CFAP70: variants seen among roughly 807,000 people sequenced by gnomAD.
CFAP70 encodes cilia and flagella associated protein 70.
A neutral mutation model predicts 137.6 loss-of-function variants in CFAP70; 81 were observed. The ratio of observed to expected loss-of-function variants is 0.59; its 90% confidence interval spans 0.49 to 0.71. The LOEUF (loss-of-function observed/expected upper bound fraction) is 0.71. CFAP70 is among the 30% of genes least tolerant of loss of function. CFAP70 has a pLI of 0.00. For missense variants in CFAP70, 976 were observed against 1,226.7 expected, an observed-to-expected ratio of 0.80 and a Z score of 3.05; for synonymous variants, 382 against 423.6, an observed-to-expected ratio of 0.90 and a Z score of 1.20.
chr10:73,333,053 G>GT (rs2052288516), intron 7 of CFAP70, among the ~76,000 whole-genome samples: 1 of 152,164 alleles, frequency 6.6e-6, no homozygotes, highest in Non-Finnish European at 1.5e-5. Flanking sequence ...GATGGGTAAT[G>GT]TAAGCAGAGA....
intron 11 of CFAP70, among the ~76,000 whole-genome samples, chr10:73,311,153 C>A (rs1435389383): frequency 2.0e-5 from 3 of 152,170 alleles, no homozygotes; most frequent in Non-Finnish European, 4.4e-5. Context: ...TTACCTGATT[C>A]AGCCTCTTTC....
chr10:73,318,843 G>A (rs948707527), intron 9 of CFAP70, among the ~76,000 whole-genome samples: 1 of 152,168 alleles, frequency 6.6e-6, no homozygotes, highest in Non-Finnish European at 1.5e-5. Flanking sequence ...AGAAGTAGAA[G>A]TCCTATTGGA....
At chr10:73,287,039 C>T (rs1418996784) in intron 19 of CFAP70, among the ~76,000 whole-genome samples, 1 of 152,212 alleles carries the variant, frequency 6.6e-6, no homozygotes, top group Non-Finnish European at 1.5e-5. Context: ...CAACCTTCAG[C>T]ATGGGCGTTG....
intron 19 of CFAP70, 46 bp from the exon 21 acceptor site, chr10:73,278,383 G>A (rs760524704): frequency 1.3e-6 from 2 of 1,499,932 alleles, no homozygotes; most frequent in South Asian, 2.5e-5. Flanking sequence ...CTTACATTGG[G>A]TGTTTAAAGG....
chr10:73,317,828 T>A (rs2050521586), intron 9 of CFAP70, among the ~76,000 whole-genome samples: 1 of 152,192 alleles, frequency 6.6e-6, no homozygotes, highest in South Asian at 2.1e-4. Context: ...AGAAATGTGA[T>A]CCCGTGTTGT....
intron 1 of CFAP70, among the ~76,000 whole-genome samples, chr10:73,356,858 G>C (rs994827345): frequency 6.6e-6 from 1 of 152,176 alleles, no homozygotes; most frequent in Non-Finnish European, 1.5e-5. Flanking sequence ...TCTGACTCCA[G>C]TTTCTCACTC....
rs1440653278 is a variant in CFAP70 at position 73,311,931 on chromosome 10, A to G, written c.1084-17T>C. ...AGGTGCCTGCTGAAAGAAAATGAACACACCTCAAAAATTGAATTCCTACAC... is the reference window on the plus strand; with the variant it reads ...AGGTGCCTGCTGAAAGAAAATGAACGCACCTCAAAAATTGAATTCCTACAC... On this transcript the variant is annotated splice_polypyrimidine_tract_variant and intron_variant, in intron 10 of 26. Coordinates refer to ENST00000310715, the Ensembl canonical transcript of CFAP70. 6.3e-7 allele frequency: 1 copy of G among 1,597,690 alleles called. No homozygotes were observed. The highest frequency in any genetic ancestry group is 1.3e-5 in the African/African-American group (1 of 74,526).
intron 5 of CFAP70, among the ~76,000 whole-genome samples, chr10:73,342,986 G>A (rs185649774): frequency 0.027 from 4,180 of 152,068 alleles, 75 homozygotes; most frequent in Middle Eastern, 0.085. Context: ...CGAGGTGGGC[G>A]GATCACAAGG....
At chr10:73,329,523 CA>C (rs946761071) in intron 8 of CFAP70, among the ~76,000 whole-genome samples, 7 of 151,328 alleles carry the variant, frequency 4.6e-5, no homozygotes, top group Non-Finnish European at 1.0e-4. Flanking sequence ...AACAAACAAA[CA>C]AAAAAACAGT....
chr10:73,303,784 A>G (rs1314124442), intron 12 of CFAP70, among the ~76,000 whole-genome samples: 1 of 152,224 alleles, frequency 6.6e-6, no homozygotes, highest in African/African-American at 2.4e-5. Context: ...GGATACTGTT[A>G]TACTGTCACT....
At chr10:73,280,900 C>T (rs11000582) in intron 19 of CFAP70, among the ~76,000 whole-genome samples, 16,062 of 152,036 alleles carry the variant, frequency 0.11, 1,223 homozygotes, top group East Asian at 0.3. Flanking sequence ...TTCTATTTCA[C>T]TGATTTCTAT....
intron 9 of CFAP70, among the ~76,000 whole-genome samples, chr10:73,319,077 A>G (rs2050639970): frequency 6.6e-6 from 1 of 152,236 alleles, no homozygotes; most frequent in Non-Finnish European, 1.5e-5. Flanking sequence ...CCAGAAATAA[A>G]TAAGTAACTT....
intron 4 of CFAP70, 114 bp from the exon 6 acceptor site, chr10:73,345,358 T>C (rs2053616126): frequency 4.2e-6 from 4 of 957,116 alleles, no homozygotes; most frequent in Non-Finnish European, 4.6e-6. Context: ...AAAGCTTAAT[T>C]ATTTCCATAA....
At chr10:73,329,619 C>A (rs7915330) in intron 8 of CFAP70, among the ~76,000 whole-genome samples, 16,081 of 152,042 alleles carry the variant, frequency 0.11, 1,230 homozygotes, top group East Asian at 0.31. Flanking sequence ...TTTCACCATG[C>A]GGCTTCTTAG....
At chr10:73,346,163 C>T (rs1293288343) in intron 4 of CFAP70, among the ~76,000 whole-genome samples, 1 of 151,850 alleles carries the variant, frequency 6.6e-6, no homozygotes, top group Non-Finnish European at 1.5e-5. Context: ...TCCCAAAGTG[C>T]TGGGATTACA....
chr10:73,268,491 G>A (rs1320295500), intron 25 of CFAP70, among the ~76,000 whole-genome samples: 1 of 151,940 alleles, frequency 6.6e-6, no homozygotes, highest in Non-Finnish European at 1.5e-5. Context: ...TGTTGAATGG[G>A]TTATACATCT....
intron 19 of CFAP70, 33 bp downstream of exon 20, chr10:73,291,193 T>C (rs1687421512): frequency 6.3e-7 from 1 of 1,599,582 alleles, no homozygotes. Flanking sequence ...ATTTTTCTAA[T>C]AGCCACTCTT....
chr10:73,292,670 T>C (rs1324845353), intron 16 of CFAP70, among the ~76,000 whole-genome samples: 2 of 152,236 alleles, frequency 1.3e-5, no homozygotes, highest in African/African-American at 4.8e-5. Context: ...CTCATATGAA[T>C]GCTTATGTGC....
chr10:73,306,715 G>GA (rs2049412683), intron 12 of CFAP70, among the ~76,000 whole-genome samples: 1 of 151,150 alleles, frequency 6.6e-6, no homozygotes, highest in Non-Finnish European at 1.5e-5. Context: ...AAAAATTACA[G>GA]AAAAAAAAGG....
Sources: gnomAD v4.1 joint callset for allele counts (sites outside exome capture counted in the v4.1 genomes callset) on GRCh38, gnomAD v4.1.1 for gene constraint, MANE v1.5 for transcripts, NCBI Gene and HGNC (gene_info 2026-07-23, HGNC 2026-07-21) for gene names.